CHRM3: variants seen among roughly 807,000 people sequenced by gnomAD.
The protein encoded by CHRM3 is cholinergic receptor muscarinic 3.
Under a neutral mutation model 41.8 loss-of-function variants are expected in CHRM3, and 11 were observed. That is an observed-to-expected ratio of 0.26 (90% CI 0.17 to 0.44). CHRM3 has a LOEUF of 0.44. Ranked by LOEUF, CHRM3 falls within the 20% of genes least tolerant of loss-of-function variation. The pLI is 1.00. For missense variants in CHRM3, 571 were observed against 745.4 expected (o/e 0.77, Z 2.72); for synonymous variants, 297 against 301.4 (o/e 0.99, Z 0.15).
At chr1:239,404,092 T>A (rs1313533316) in intron 1 of CHRM3, among the ~76,000 whole-genome samples, 2 of 145,828 alleles carry the variant, frequency 1.4e-5, no homozygotes, top group African/African-American at 5.1e-5. Flanking sequence ...ATCGAGACCA[T>A]CCTGGCTAAC....
At chr1:239,816,584 GA>G (rs1485728360) in intron 5 of CHRM3, among the ~76,000 whole-genome samples, 4 of 152,040 alleles carry the variant, frequency 2.6e-5, no homozygotes, top group Non-Finnish European at 5.9e-5. Flanking sequence ...CCTGGTCCAG[GA>G]AGTACCAAGC....
intron 5 of CHRM3, among the ~76,000 whole-genome samples, chr1:239,794,895 G>T (rs73127369): frequency 0.013 from 1,992 of 152,120 alleles, 52 homozygotes; most frequent in African/African-American, 0.045. Context: ...CCATTATGTT[G>T]GTCACTTAAC....
chr1:239,637,002 C>T (rs1670527539), intron 4 of CHRM3, among the ~76,000 whole-genome samples: 1 of 152,010 alleles, frequency 6.6e-6, no homozygotes, highest in African/African-American at 2.4e-5. Context: ...GAAAGAAGTT[C>T]AGTTTGTATC....
chr1:239,425,741 A>C (rs1400777405), intron 1 of CHRM3, among the ~76,000 whole-genome samples: 1 of 152,178 alleles, frequency 6.6e-6, no homozygotes, highest in Non-Finnish European at 1.5e-5. Flanking sequence ...TCAGGTTCTG[A>C]TGATGCCCCT....
chr1:239,431,066 A>G (rs1452548509), intron 1 of CHRM3, among the ~76,000 whole-genome samples: 1 of 152,128 alleles, frequency 6.6e-6, no homozygotes, highest in Non-Finnish European at 1.5e-5. Context: ...CAAACTCTTC[A>G]CTGTGAATGA....
intron 2 of CHRM3, among the ~76,000 whole-genome samples, chr1:239,523,862 T>A (rs1026920085): frequency 5.3e-5 from 8 of 152,008 alleles, no homozygotes; most frequent in African/African-American, 1.7e-4. Context: ...GAGGTTACAA[T>A]CAGAAAAGGA....
At chr1:239,675,012 C>T (rs1657847190) in intron 4 of CHRM3, among the ~76,000 whole-genome samples, 1 of 152,048 alleles carries the variant, frequency 6.6e-6, no homozygotes, top group African/African-American at 2.4e-5. Context: ...ATGGATTATC[C>T]ATTCGAGTTC....
intron 2 of CHRM3, among the ~76,000 whole-genome samples, chr1:239,542,411 A>G (rs1206250275): frequency 6.6e-6 from 1 of 152,202 alleles, no homozygotes; most frequent in Non-Finnish European, 1.5e-5. Context: ...GAGAGAACTG[A>G]ATATCTGGCA....
intron 4 of CHRM3, among the ~76,000 whole-genome samples, chr1:239,661,723 A>G (rs1673210971): frequency 6.6e-6 from 1 of 152,196 alleles, no homozygotes; most frequent in Non-Finnish European, 1.5e-5. Context: ...TTTGTATAAT[A>G]CTATAATGGT....
intron 1 of CHRM3, among the ~76,000 whole-genome samples, chr1:239,405,945 C>T (rs1158377295): frequency 6.6e-6 from 1 of 152,068 alleles, no homozygotes; most frequent in African/African-American, 2.4e-5. Flanking sequence ...TGTAGTGCCG[C>T]GATCTCAGCT....
chr1:239,694,394 T>C (rs1252860630), intron 5 of CHRM3, among the ~76,000 whole-genome samples: 1 of 152,224 alleles, frequency 6.6e-6, no homozygotes, highest in Non-Finnish European at 1.5e-5. Flanking sequence ...TGATTATGCC[T>C]CTGCTTCCAC....
chr1:239,891,778 A>G (rs1219264836), intron 6 of CHRM3, among the ~76,000 whole-genome samples: 1 of 152,192 alleles, frequency 6.6e-6, no homozygotes, highest in Non-Finnish European at 1.5e-5. Flanking sequence ...TAGGCTGGCC[A>G]GAGCCACTCC....
chr1:239,861,052 A>G (rs139282386), intron 6 of CHRM3, among the ~76,000 whole-genome samples: 1 of 152,306 alleles, frequency 6.6e-6, no homozygotes, highest in African/African-American at 2.4e-5. Context: ...AGGACTCAAA[A>G]TTAGAGACTT....
chr1:239,696,684 G>A (rs1660226541), intron 5 of CHRM3, among the ~76,000 whole-genome samples: 1 of 152,166 alleles, frequency 6.6e-6, no homozygotes, highest in South Asian at 2.1e-4. Context: ...CATTTATGTA[G>A]CTGGCATTTG....
At chr1:239,517,223 G>C (rs1669333343) in intron 2 of CHRM3, among the ~76,000 whole-genome samples, 1 of 152,102 alleles carries the variant, frequency 6.6e-6, no homozygotes, top group South Asian at 2.1e-4. Flanking sequence ...GTAAATTTTG[G>C]CTTATAATAA....
At chr1:239,447,949 G>A (rs1572339911) in intron 1 of CHRM3, among the ~76,000 whole-genome samples, 2 of 152,092 alleles carry the variant, frequency 1.3e-5, no homozygotes, top group Non-Finnish European at 2.9e-5. Context: ...ATCCATCCCA[G>A]CCACGTTGCT....
rs571940588 is a variant in CHRM3, at chr1:239,748,850, A to G, written c.-147+70562A>G. ...TCTCTAGATTTATGCAGAGCAAGATAACTTGACCTTCGTATTAACTGGCTA... is the reference window on the plus strand; with the variant it reads ...TCTCTAGATTTATGCAGAGCAAGATGACTTGACCTTCGTATTAACTGGCTA... On this transcript the variant is annotated intron_variant, in intron 5 of 6. Transcript: ENST00000676153. The surrounding 1 kb of genome is among the most constrained non-coding windows in gnomAD (Gnocchi z 4.3). Among the ~76,000 whole-genome samples, 44 of 152,334 alleles carry G rather than the reference A, an allele frequency of 2.9e-4. No individual in the cohort carries two copies. The highest frequency in any genetic ancestry group is 9.6e-4 in the African/African-American group (40 of 41,572).
At chr1:239,605,431 G>A (rs970564343) in intron 3 of CHRM3, among the ~76,000 whole-genome samples, 2 of 152,234 alleles carry the variant, frequency 1.3e-5, no homozygotes, top group Middle Eastern at 3.4e-3. Flanking sequence ...ACACCATCTA[G>A]GTTTGCATAA....
At chr1:239,548,222 A>G (rs77127097) in intron 3 of CHRM3, among the ~76,000 whole-genome samples, 4,864 of 152,238 alleles carry the variant, frequency 0.032, 103 homozygotes, top group Admixed American at 0.05. Flanking sequence ...CCAAGGTGGA[A>G]AGTACTGATA....
Sources: gnomAD v4.1 joint callset for allele counts (sites outside exome capture counted in the v4.1 genomes callset) on GRCh38, gnomAD v4.1.1 for gene constraint, Gnocchi (gnomAD v3.1) non-coding constraint, MANE v1.5 for transcripts, NCBI Gene and HGNC (gene_info 2026-07-23, HGNC 2026-07-21) for gene names.